Variants in CPLANE1 observed in about 807,000 individuals in gnomAD.
CPLANE1 encodes ciliogenesis and planar polarity effector complex subunit 1, also known as ciliogenesis and planar polarity effector 1.
In CPLANE1, 263 loss-of-function variants were observed where a neutral mutation model predicts 362.5. The ratio of observed to expected loss-of-function variants is 0.73; its 90% CI spans 0.66 to 0.80. CPLANE1 has a LOEUF of 0.80. Ranked by LOEUF, CPLANE1 falls within the 30% of genes least tolerant of loss-of-function variation. The probability of loss-of-function intolerance (pLI) is 0.00; values close to 1 mark genes in which losing one functional copy is unlikely to be tolerated. For synonymous variants in CPLANE1, 1,212 were observed against 1,302.6 expected (o/e 0.93, Z 1.50); for missense variants, 3,461 against 3,793.4 (o/e 0.91, Z 2.30).
chr5:37,137,264 C>T (rs1455482126), intron 46 of CPLANE1, among the ~76,000 whole-genome samples: 1 of 152,168 alleles, frequency 6.6e-6, no homozygotes, highest in Non-Finnish European at 1.5e-5. Context: ...TAATAAGAAT[C>T]ACCTTCTCCA....
At chr5:37,147,971 CAAAAA>C (rs11284644) in intron 43 of CPLANE1, among the ~76,000 whole-genome samples, 1 of 15,312 alleles carries the variant, frequency 6.5e-5, no homozygotes, top group African/African-American at 1.3e-4. Flanking sequence ...ACTGCCTTCT[CAAAAA>C]AAAAAAAAAA....
intron 16 of CPLANE1, 102 bp from the exon 17 acceptor site, chr5:37,206,527 ACC>A: frequency 1.3e-6 from 1 of 741,218 alleles, no homozygotes; most frequent in Non-Finnish European, 2.2e-6. Context: ...TCTACAAAAA[ACC>A]ACCAGGAAGA....
chr5:37,197,180 T>C lies in CPLANE1; in HGVS notation c.3673-1184A>G, dbSNP rs567734672. Among the ~76,000 whole-genome samples the C allele has an allele frequency of 8.5e-5, 13 of 152,114 alleles. No individual in the cohort carries two copies. In the South Asian group the frequency reaches 1.7e-3, roughly 19 times the overall value. The stretch of plus-strand genomic sequence containing the variant: ...AGATAACAGGCTGATTTAAATATAT[T>C]TGGAGATGATAAAATTTATTTCCAC... On this transcript the variant is annotated intron_variant, in intron 20 of 52. Transcript: ENST00000651892.
the CPLANE1 span, among the ~76,000 whole-genome samples, chr5:37,089,825 C>T: frequency 1.3e-5 from 2 of 152,256 alleles, no homozygotes; most frequent in African/African-American, 4.8e-5. Flanking sequence ...AAAGTGCTTC[C>T]TCAAGGAATG....
chr5:37,180,795 A>G, intron 27 of CPLANE1, 62 bp downstream of exon 27: 1 of 1,516,308 alleles, frequency 6.6e-7, no homozygotes, highest in Non-Finnish European at 9.1e-7. Context: ...CTTCCCTTTA[A>G]GCCCAAATGC....
rs1177890848 is a variant in CPLANE1, at chr5:37,126,251, A to T, written c.8793-842T>A. On this transcript the variant is annotated intron_variant, in intron 46 of 52. Transcript: ENST00000651892. ...GAGACTGTCTCAAAAAAACAAAAAAATTGTAACACAGAGATGACTTCCAAC... is the reference window on the plus strand; with the variant it reads ...GAGACTGTCTCAAAAAAACAAAAAATTTGTAACACAGAGATGACTTCCAAC... Among the ~76,000 whole-genome samples the T allele has an allele frequency of 5.3e-5, 8 of 152,194 alleles. No homozygotes were observed. In the South Asian group the frequency reaches 1.7e-3, roughly 32 times the overall value.
At chr5:37,083,012 A>C in the CPLANE1 span, among the ~76,000 whole-genome samples, 3 of 152,142 alleles carry the variant, frequency 2.0e-5, no homozygotes, top group Non-Finnish European at 4.4e-5. Flanking sequence ...TCTCTGAAGG[A>C]AGCAGATTAC....
chr5:37,184,797 A>G lies in CPLANE1; in HGVS notation c.4472T>C (p.Ile1491Thr). The G allele has an allele frequency of 6.2e-7, 1 of 1,610,312 alleles. No homozygotes were observed. Among genetic ancestry groups the G allele is most frequent in the Non-Finnish European group, 8.5e-7 (1 of 1,178,676 alleles). ...AAGATCTCAATTGTACCTTTGATAGATATTTATCCTACTTTTTTCTTCAAC... is the reference window on the plus strand; with the variant it reads ...AAGATCTCAATTGTACCTTTGATAGGTATTTATCCTACTTTTTTCTTCAAC... The part of the protein sequence containing the change: ...LSVEEKSRIN[I>T]YQRNAPNHME... Residue 1491 changes from isoleucine (I) to threonine (T), a missense_variant, in exon 25 of 53, where the codon ATC (isoleucine) becomes ACC (threonine). Physicochemically the swap from Ile to Thr is moderately conservative, Grantham distance 89. Coordinates refer to ENST00000651892, the MANE Select transcript of CPLANE1 (RefSeq NM_001384732.1).
chr5:37,100,730 T>C, the CPLANE1 span, among the ~76,000 whole-genome samples: 2 of 152,230 alleles, frequency 1.3e-5, no homozygotes, highest in South Asian at 4.1e-4. Flanking sequence ...ATGATATTGA[T>C]TCCTCCTATC....
intron 39 of CPLANE1, 32 bp downstream of exon 39, chr5:37,158,192 G>T (rs756195010): frequency 9.3e-6 from 15 of 1,605,954 alleles, no homozygotes; most frequent in African/African-American, 1.3e-5. Flanking sequence ...TAGCGCAAAG[G>T]TATTATTAAA....
rs139192216 is a variant in CPLANE1 at position 37,163,563 on chromosome 5, T to C, written c.7588+710A>G. 2.1e-3 allele frequency among the ~76,000 whole-genome samples: 318 copies of C among 152,304 alleles called. 1 individual carries two copies. The highest frequency in any genetic ancestry group is 0.017 in the Middle Eastern group (5 of 294). ...AGGAAGACTAGGTAGAATAAGAAAG[T>C]ATTAATTATGGAGCATTGTGGTATA... On this transcript the variant is annotated intron_variant, in intron 37 of 52. Transcript: ENST00000651892.
rs563977259 is a variant in CPLANE1 at position 37,126,625 on chromosome 5, A to T, written c.8793-1216T>A. Among the ~76,000 whole-genome samples the T allele has an allele frequency of 5.9e-5, 9 of 152,160 alleles. No homozygotes were observed. The East Asian group carries it at 1.7e-3, about 29-fold the overall frequency. On this transcript the variant is annotated intron_variant, in intron 46 of 52. Transcript: ENST00000651892. ...GTAAATCTCTTCTACAGCTAATCCAACCTTAGCTTCTGCTTCTTGGAGGAT... is the reference window on the plus strand; with the variant it reads ...GTAAATCTCTTCTACAGCTAATCCATCCTTAGCTTCTGCTTCTTGGAGGAT...
At chr5:37,123,476 CA>C (rs751309221) in intron 47 of CPLANE1, among the ~76,000 whole-genome samples, 1 of 152,062 alleles carries the variant, frequency 6.6e-6, no homozygotes, top group Non-Finnish European at 1.5e-5. Flanking sequence ...AAAAACAAAA[CA>C]AAAAAAGTGT....
intron 8 of CPLANE1, among the ~76,000 whole-genome samples, chr5:37,233,583 T>C (rs949565511): frequency 6.6e-6 from 1 of 152,014 alleles, no homozygotes; most frequent in Admixed American, 6.6e-5. Context: ...CATGGGGGAC[T>C]AGTCCCCCCA....
At chr5:37,139,765 G>T in intron 44 of CPLANE1, 1 of 737,796 alleles carries the variant, frequency 1.4e-6, no homozygotes, top group Non-Finnish European at 1.7e-6. Context: ...GCCCAGGTTG[G>T]TCTCGAACTC....
In CPLANE1 at chr5:37,192,984, C is replaced by T. The variant is rs146858624; in HGVS notation, c.3811+2874G>A. 2.7e-4 allele frequency among the ~76,000 whole-genome samples: 41 copies of T among 151,120 alleles called. No homozygotes were observed. In the East Asian group the frequency reaches 6.7e-3, roughly 25 times the overall value. Reference sequence around the variant, plus strand: ...GAATTCAAGACCAGCCTGACCAACACGGTGAAACCCCGCCCTACTAAAAAG... The same window carrying T: ...GAATTCAAGACCAGCCTGACCAACATGGTGAAACCCCGCCCTACTAAAAAG... On this transcript the variant is annotated intron_variant, in intron 21 of 52. Transcript: ENST00000651892.
chr5:37,243,382 T>C (rs1388618431), intron 5 of CPLANE1, among the ~76,000 whole-genome samples: 2 of 151,982 alleles, frequency 1.3e-5, no homozygotes, highest in Non-Finnish European at 2.9e-5. Context: ...TATTCTTACA[T>C]ATTTATTTTT....
intron 16 of CPLANE1, 122 bp from the exon 17 acceptor site, chr5:37,206,547 A>C (rs945335946): frequency 1.5e-6 from 1 of 654,988 alleles, no homozygotes; most frequent in Non-Finnish European, 2.6e-6. Flanking sequence ...AGATACATAC[A>C]AAATGGGCTA....
chr5:37,140,660 G>A (rs1580098260), intron 44 of CPLANE1: 1 of 985,410 alleles, frequency 1.0e-6, no homozygotes, highest in South Asian at 4.7e-5. Context: ...CGACTGGGCT[G>A]CATATGGGGA....
Sources: allele counts gnomAD v4.1 joint callset (sites outside exome capture counted in the v4.1 genomes callset), GRCh38; gene constraint gnomAD v4.1.1; transcripts MANE v1.5; gene names NCBI Gene and HGNC (gene_info 2026-07-23, HGNC 2026-07-21).